Variants in SPMIP2 observed in about 807,000 individuals in gnomAD.
SPMIP2 encodes sperm microtubule inner protein 2, also known as protein SPMIP2.
the SPMIP2 span, among the ~76,000 whole-genome samples, chr4:159,073,391 C>T: frequency 6.6e-6 from 1 of 151,996 alleles, no homozygotes; most frequent in Non-Finnish European, 1.5e-5. Flanking sequence ...TGGGCTCAAG[C>T]GATCTGCCCA....
At chr4:158,923,785 T>C in the SPMIP2 span, among the ~76,000 whole-genome samples, 1 of 152,210 alleles carries the variant, frequency 6.6e-6, no homozygotes, top group Non-Finnish European at 1.5e-5. Context: ...CCTTGTCTTG[T>C]TTTTGATCAT....
the SPMIP2 span, among the ~76,000 whole-genome samples, chr4:158,982,902 A>G: frequency 6.6e-6 from 1 of 152,186 alleles, no homozygotes; most frequent in Non-Finnish European, 1.5e-5. Flanking sequence ...CAAAGAAGTT[A>G]AAAACCTTGA....
the SPMIP2 span, among the ~76,000 whole-genome samples, chr4:159,048,274 T>C: frequency 6.6e-6 from 1 of 152,218 alleles, no homozygotes; most frequent in Non-Finnish European, 1.5e-5. Context: ...CTATCTCCTG[T>C]TGAAGCCCAT....
the SPMIP2 span, among the ~76,000 whole-genome samples, chr4:158,967,340 T>C: frequency 6.6e-6 from 1 of 152,208 alleles, no homozygotes; most frequent in Admixed American, 6.5e-5. Flanking sequence ...CATGTGGTAC[T>C]CTCGCACTAA....
chr4:159,064,454 AC>A, the SPMIP2 span: 29 of 152,162 alleles, frequency 1.9e-4, no homozygotes, highest in African/African-American at 6.8e-4. Flanking sequence ...GAAAAGGATT[AC>A]TAAGTAAAAT....
At chr4:158,956,654 T>C in the SPMIP2 span, among the ~76,000 whole-genome samples, 1 of 152,248 alleles carries the variant, frequency 6.6e-6, no homozygotes, top group East Asian at 1.9e-4. Context: ...TGACAATCTC[T>C]GACATTCGAT....
the SPMIP2 span, among the ~76,000 whole-genome samples, chr4:159,066,589 TTATATATATA>T: frequency 4.8e-4 from 37 of 76,614 alleles, no homozygotes; most frequent in African/African-American, 1.3e-3. Context: ...TGTGTGTATT[TTATATATATA>T]TATATATATA....
At chr4:158,896,544 G>C in the SPMIP2 span, among the ~76,000 whole-genome samples, 1 of 152,258 alleles carries the variant, frequency 6.6e-6, no homozygotes, top group South Asian at 2.1e-4. Context: ...CCCCTCACTT[G>C]GGAGAAGAAA....
chr4:158,933,165 T>C, the SPMIP2 span, among the ~76,000 whole-genome samples: 829 of 152,200 alleles, frequency 5.4e-3, 5 homozygotes, highest in African/African-American at 0.019. Context: ...TACCACGCCC[T>C]GCTAATTTTT....
At chr4:158,927,421 T>C in the SPMIP2 span, among the ~76,000 whole-genome samples, 6 of 152,242 alleles carry the variant, frequency 3.9e-5, no homozygotes, top group African/African-American at 1.4e-4. Context: ...TTCTTCCTTT[T>C]TCTTTTTTTG....
the SPMIP2 span, among the ~76,000 whole-genome samples, chr4:158,976,481 T>C: frequency 2.6e-5 from 4 of 151,988 alleles, no homozygotes; most frequent in African/African-American, 9.7e-5. Flanking sequence ...GTCTACTGAG[T>C]GGTTTTAGCA....
the SPMIP2 span, among the ~76,000 whole-genome samples, chr4:159,030,451 G>C: frequency 1.3e-5 from 2 of 149,568 alleles, no homozygotes. Flanking sequence ...CCTATGCCAA[G>C]AGAAAGCAAA....
the SPMIP2 span, among the ~76,000 whole-genome samples, chr4:158,932,267 A>C: frequency 6.6e-6 from 1 of 152,156 alleles, no homozygotes; most frequent in Non-Finnish European, 1.5e-5. Flanking sequence ...GAAATTAGAC[A>C]CCAGCCTGAC....
the SPMIP2 span, among the ~76,000 whole-genome samples, chr4:158,936,944 G>C: frequency 2.0e-5 from 3 of 152,180 alleles, no homozygotes; most frequent in South Asian, 6.2e-4. Context: ...TAGGCTAACA[G>C]TGCACACAGC....
chr4:159,027,759 A>G, the SPMIP2 span, among the ~76,000 whole-genome samples: 2 of 152,236 alleles, frequency 1.3e-5, no homozygotes, highest in Non-Finnish European at 2.9e-5. Flanking sequence ...CAGAGCAAAA[A>G]ATAAGATGAA....
chr4:159,038,972 T>A, the SPMIP2 span, among the ~76,000 whole-genome samples: 45 of 152,244 alleles, frequency 3.0e-4, no homozygotes, highest in Non-Finnish European at 5.7e-4. Context: ...TATAGTCTTA[T>A]TTATTTATTT....
chr4:159,007,145 T>C, the SPMIP2 span: 9 of 755,564 alleles, frequency 1.2e-5, no homozygotes, highest in African/African-American at 1.6e-4. Context: ...GGGGTGCGCC[T>C]GAGACGGGAG....
the SPMIP2 span, among the ~76,000 whole-genome samples, chr4:158,947,036 A>C: frequency 1.3e-5 from 2 of 152,170 alleles, no homozygotes; most frequent in South Asian, 2.1e-4. Context: ...CCCACTGCTC[A>C]GCTGAAGGAG....
chr4:158,941,614 A>T, the SPMIP2 span, among the ~76,000 whole-genome samples: 1 of 152,184 alleles, frequency 6.6e-6, no homozygotes, highest in East Asian at 1.9e-4. Flanking sequence ...AGCTATGATC[A>T]CATCACTGTA....
Sources: gnomAD v4.1 joint callset for allele counts (sites outside exome capture counted in the v4.1 genomes callset) on GRCh38, gnomAD v4.1.1 for gene constraint, MANE v1.5 for transcripts, NCBI Gene and HGNC (gene_info 2026-07-23, HGNC 2026-07-21) for gene names.